The following FIS1 variants were observed in gnomAD, a reference collection of about 807,000 sequenced individuals.
FIS1 encodes the protein fission, mitochondrial 1.
FIS1 carries 16 observed loss-of-function variants against 21.6 expected under a neutral mutation model. The observed-to-expected ratio is 0.74, with a 90% CI of 0.50 to 1.12. The LOEUF is 1.12. Among genes scored for constraint, FIS1 ranks in the 50% most tolerant of loss-of-function variants. The probability of loss-of-function intolerance (pLI) is 0.00; values close to 1 mark genes in which losing one functional copy is unlikely to be tolerated. For missense variants in FIS1, 198 were observed against 190.9 expected (o/e 1.04, Z -0.22); for synonymous variants, 92 against 82.2 (o/e 1.12, Z -0.65).
intron 4 of FIS1, 43 bp downstream of exon 4, chr7:101,240,099 C>G (rs377388801): frequency 6.3e-7 from 1 of 1,595,862 alleles, no homozygotes; most frequent in South Asian, 1.1e-5. Flanking sequence ...AGTGCCCAGG[C>G]GTGGGGAAGA....
At chr7:101,243,636 C>T (rs1798775541) in intron 2 of FIS1, among the ~76,000 whole-genome samples, 1 of 152,188 alleles carries the variant, frequency 6.6e-6, no homozygotes, top group Admixed American at 6.5e-5. Flanking sequence ...GTCCTCTGTA[C>T]CTCTTCCATG....
rs1156670243 is a variant in FIS1, at chr7:101,245,074, C to G, written c.-70G>C. The G allele has an allele frequency of 1.3e-6, 2 of 1,544,250 alleles. No individual in the cohort carries two copies. Among genetic ancestry groups the G allele is most frequent in the Admixed American group, 3.6e-5 (2 of 55,362 alleles). On this transcript the variant is annotated 5_prime_UTR_variant, in exon 1 of 5. Transcript: ENST00000223136. The stretch of plus-strand genomic sequence containing the variant: ...AGTCTCCATGGCCCAGTGGCAGGGG[C>G]GGAGAACCACTTCCGGCGTCCGGCG...
At position 101,244,000 on chromosome 7, in the gene FIS1, G is replaced by A; in HGVS notation, c.178+7C>T. The A allele has an allele frequency of 1.2e-6, 2 of 1,611,670 alleles. No homozygotes were observed. The highest frequency in any genetic ancestry group is 8.5e-7 in the Non-Finnish European group (1 of 1,179,076). ...GGCAGCGGGAAAGGGAGAGTACAGC[G>A]CCTCACCCTCGAGCAGCACGATGCC... is the stretch of plus-strand genomic sequence containing the variant. On this transcript the variant is annotated splice_region_variant and intron_variant, in intron 2 of 4. Transcript: ENST00000223136.
rs1224168419 is a variant in FIS1, at chr7:101,244,854, T to G, written c.45+106A>C. The stretch of plus-strand genomic sequence containing the variant: ...AGGCTGCCGGGAGCCGTAGTTCGGC[T>G]TCCCTCGGCCAAGCCGATGCCGGGA... On this transcript the variant is annotated intron_variant, in intron 1 of 4. Transcript: ENST00000223136. 4.2e-6 allele frequency: 6 copies of G among 1,435,456 alleles called. No individual in the cohort carries two copies. The African/African-American group carries it at 8.4e-5, about 20-fold the overall frequency. The allele number at this position is 1,435,456 out of a possible 1,614,324, so 88.9% of individuals were successfully genotyped here.
chr7:101,243,620 A>G (rs886822191), intron 2 of FIS1, among the ~76,000 whole-genome samples: 1 of 152,226 alleles, frequency 6.6e-6, no homozygotes, highest in Non-Finnish European at 1.5e-5. Flanking sequence ...ACAATTTTGT[A>G]GGACAGTCCT....
intron 4 of FIS1, 117 bp downstream of exon 4, chr7:101,240,025 T>C: frequency 1.4e-6 from 2 of 1,419,724 alleles, no homozygotes; most frequent in East Asian, 2.3e-5. Context: ...GGCAAGGGGC[T>C]CTAAGAACTG....
In FIS1 at chr7:101,240,282, C is replaced by G. The variant is rs199691849; in HGVS notation, c.256-35G>C. The G allele has an allele frequency of 3.8e-6, 6 of 1,596,426 alleles. No individual in the cohort carries two copies. In the African/African-American group the frequency reaches 8.0e-5, roughly 21 times the overall value. On this transcript the variant is annotated intron_variant, in intron 3 of 4. Transcript: ENST00000223136. ...GGGAAACGCGCACGCGTCATACACA[C>G]CGCAGTGTTTTTTTGTTTGTTTGTT...
At position 101,245,081 on chromosome 7, in the gene FIS1, C is replaced by A; in HGVS notation, c.-77G>T. ...ATGGCCCAGTGGCAGGGGCGGAGAA[C>A]CACTTCCGGCGTCCGGCGGATGCTG... is the stretch of plus-strand genomic sequence containing the variant. On this transcript the variant is annotated 5_prime_UTR_variant, in exon 1 of 5. Transcript: ENST00000223136. 1 of 1,526,062 alleles carries A rather than the reference C, an allele frequency of 6.6e-7. No individual in the cohort carries two copies. The highest frequency in any genetic ancestry group is 8.9e-7 in the Non-Finnish European group (1 of 1,118,906). The allele number at this position is 1,526,062 out of a possible 1,614,324, so 94.5% of individuals were successfully genotyped here.
chr7:101,240,906 T>C lies in FIS1; in HGVS notation c.179A>G (p.Glu60Gly). The C allele has an allele frequency of 2.5e-6, 4 of 1,614,118 alleles. No homozygotes were observed. Among genetic ancestry groups the C allele is most frequent in the Non-Finnish European group, 3.4e-6 (4 of 1,179,998 alleles). ...CTCCTTGCTCCCTTTGGGCAGCAGC[T>C]CTGGGGAGGGGCAGAGAAGAGGGTG... Reference protein sequence around the residue: ...DIRKGIVLLEELLPKGSKEEQ... With the variant: ...DIRKGIVLLEGLLPKGSKEEQ... Residue 60 changes from glutamate to glycine, a missense_variant and splice_region_variant, in exon 3 of 5, where the codon GAG becomes GGG. By Grantham distance (98) the Glu-to-Gly change is moderately conservative (BLOSUM62 -2). Coordinates refer to ENST00000223136, the MANE Select transcript of FIS1 (RefSeq NM_016068.3).
At chr7:101,243,056 C>A (rs1798769494) in intron 2 of FIS1, among the ~76,000 whole-genome samples, 1 of 152,024 alleles carries the variant, frequency 6.6e-6, no homozygotes, top group Non-Finnish European at 1.5e-5. Context: ...CATGTAAATA[C>A]CATGCGATTT....
At chr7:101,242,212 C>A (rs1798759418) in intron 2 of FIS1, among the ~76,000 whole-genome samples, 1 of 152,228 alleles carries the variant, frequency 6.6e-6, no homozygotes, top group Non-Finnish European at 1.5e-5. Flanking sequence ...AGGCATGAGC[C>A]ACAGTGCCTG....
intron 3 of FIS1, among the ~76,000 whole-genome samples, chr7:101,240,573 C>G (rs1443977232): frequency 6.6e-6 from 1 of 152,212 alleles, no homozygotes. Context: ...CCCCACCCCA[C>G]GGAGTAGAGT....
chr7:101,243,026 G>T (rs56203098), intron 2 of FIS1, among the ~76,000 whole-genome samples: 3,845 of 152,226 alleles, frequency 0.025, 88 homozygotes, highest in Non-Finnish European at 0.036. Flanking sequence ...TAAAGTATAT[G>T]GGAGAAGGTG....
intron 2 of FIS1, among the ~76,000 whole-genome samples, chr7:101,243,709 G>A (rs1243914245): frequency 6.6e-6 from 1 of 152,232 alleles, no homozygotes; most frequent in Non-Finnish European, 1.5e-5. Flanking sequence ...AAGGGCATGG[G>A]CCTAGGTCTC....
chr7:101,242,469 AAG>A (rs1248256805), intron 2 of FIS1, among the ~76,000 whole-genome samples: 2 of 151,074 alleles, frequency 1.3e-5, no homozygotes, highest in Non-Finnish European at 2.9e-5. Context: ...TCTTTTAAGA[AAG>A]AGTCTTATTT....
At position 101,244,870 on chromosome 7, in the gene FIS1, G is replaced by A. The variant is rs79645520; in HGVS notation, c.45+90C>T. 6.9e-3 allele frequency: 10,569 copies of A among 1,536,546 alleles called. 148 individuals carry two copies. In the East Asian group the frequency reaches 0.071, roughly 10 times the overall value. On this transcript the variant is annotated intron_variant, in intron 1 of 4. Transcript: ENST00000223136. ...TAGTTCGGCTTCCCTCGGCCAAGCC[G>A]ATGCCGGGAGGAGGGTTCGGCCCCT...
In FIS1 at chr7:101,244,963, C is replaced by T. The variant is rs1243612182; in HGVS notation, c.42G>A (p.Leu14=). ...VLNELVSVED[L]LKFEKKFQSE... ...CTCTGTCCGGGCCAGGCCTCACCAGCAGGTCCTCCACAGACACCAGCTCGT... is the reference window on the plus strand; with the variant it reads ...CTCTGTCCGGGCCAGGCCTCACCAGTAGGTCCTCCACAGACACCAGCTCGT... The change falls in exon 1 of 5, where the codon CTG becomes CTA. Residue 14 remains leucine, a synonymous_variant. Coordinates refer to ENST00000223136, the MANE Select transcript of FIS1 (RefSeq NM_016068.3). 4 of 1,614,086 alleles carry T rather than the reference C, an allele frequency of 2.5e-6. No homozygotes were observed. The highest frequency in any genetic ancestry group is 1.7e-4 in the Middle Eastern group (1 of 6,060).
chr7:101,242,421 T>C (rs951068323), intron 2 of FIS1, among the ~76,000 whole-genome samples: 4 of 152,208 alleles, frequency 2.6e-5, no homozygotes, highest in African/African-American at 9.6e-5. Context: ...AAAATCTGAA[T>C]TGCCGAAGTA....
rs777628613 is a variant in FIS1 at position 101,240,219 on chromosome 7, C to G, written c.284G>C (p.Arg95Pro). 1 of 1,614,232 alleles carries G rather than the reference C, an allele frequency of 6.2e-7. No individual in the cohort carries two copies. Among genetic ancestry groups the G allele is most frequent in the South Asian group, 1.1e-5 (1 of 91,090 alleles). The change falls in exon 4 of 5, where the codon CGC becomes CCC. Residue 95 changes from arginine (R) to proline (P), a missense_variant. Physicochemically the swap from Arg to Pro is moderately radical, Grantham distance 103. Transcript: ENST00000223136. ...KEYEKALKYV[R>P]GLLQTEPQNN... ...CTGGGGCTCTGTCTGCAGCAACCCG[C>G]GGACGTACTTTAAGGCCTTCTCGTA... is the stretch of plus-strand genomic sequence containing the variant.
Sources: gnomAD v4.1 joint callset for allele counts (sites outside exome capture counted in the v4.1 genomes callset) on GRCh38, gnomAD v4.1.1 for gene constraint, MANE v1.5 for transcripts, NCBI Gene and HGNC (gene_info 2026-07-23, HGNC 2026-07-21) for gene names.